PATJ: variants seen among roughly 807,000 people sequenced by gnomAD.
PATJ encodes the protein PATJ crumbs cell polarity complex component, also known as inaD-like protein.
Under a neutral mutation model 224.9 loss-of-function variants are expected in PATJ, and 190 were observed. The ratio of observed to expected loss-of-function variants is 0.84; its 90% confidence interval spans 0.75 to 0.95. The LOEUF is 0.95. PATJ is among the 40% of genes least tolerant of loss of function. The probability of loss-of-function intolerance (pLI) is 0.00; values close to 1 mark genes in which losing one functional copy is unlikely to be tolerated. For missense variants in PATJ, 2,121 were observed against 2,270.3 expected (o/e 0.93, Z 1.34); for synonymous variants, 769 against 820.3 (o/e 0.94, Z 1.07).
At chr1:61,772,521 A>G (rs1325781698) in intron 6 of PATJ, among the ~76,000 whole-genome samples, 1 of 152,164 alleles carries the variant, frequency 6.6e-6, no homozygotes, top group Non-Finnish European at 1.5e-5. Flanking sequence ...TTATTTTCTT[A>G]TAACACTAAG....
At chr1:62,143,910 G>T (rs1262066805) in intron 41 of PATJ, among the ~76,000 whole-genome samples, 2 of 152,164 alleles carry the variant, frequency 1.3e-5, no homozygotes, top group East Asian at 3.8e-4. Context: ...CAGAAGGAAA[G>T]CCAGAAGAGT....
chr1:61,868,844 C>T (rs1297679454), intron 20 of PATJ, among the ~76,000 whole-genome samples: 1 of 151,984 alleles, frequency 6.6e-6, no homozygotes, highest in Non-Finnish European at 1.5e-5. Flanking sequence ...GGAGAAAAAA[C>T]TTCTCCTCTA....
chr1:62,091,548 G>A (rs1346995553), intron 33 of PATJ, among the ~76,000 whole-genome samples: 1 of 152,098 alleles, frequency 6.6e-6, no homozygotes, highest in Admixed American at 6.6e-5. Flanking sequence ...GTGTGTCTTT[G>A]GTATATTACC....
intron 3 of PATJ, among the ~76,000 whole-genome samples, chr1:61,763,528 G>A (rs1454867481): frequency 3.6e-5 from 5 of 137,326 alleles, no homozygotes; most frequent in Non-Finnish European, 7.7e-5. Context: ...TTGAGACCCT[G>A]TCTCAAAAAA....
intron 32 of PATJ, among the ~76,000 whole-genome samples, chr1:62,081,455 G>A (rs1425538744): frequency 6.6e-6 from 1 of 152,130 alleles, no homozygotes; most frequent in Non-Finnish European, 1.5e-5. Flanking sequence ...GGCAAACGTG[G>A]AGGAGGGAAA....
At chr1:61,839,853 CACTATTTTTATCTCTCTCA>C (rs1660792365) in intron 17 of PATJ, among the ~76,000 whole-genome samples, 1 of 151,954 alleles carries the variant, frequency 6.6e-6, no homozygotes, top group African/African-American at 2.4e-5. Flanking sequence ...ATTTTTGAAA[CACTATTTTTATCTCTCTCA>C]AAGTCTGAGA....
chr1:62,038,943 C>G, intron 30 of PATJ: 1 of 1,298,886 alleles, frequency 7.7e-7, no homozygotes, highest in Non-Finnish European at 1.1e-6. Flanking sequence ...GCCATGGGAC[C>G]CTGTCAGATG....
chr1:61,787,655 T>C lies in PATJ; in HGVS notation c.850-99T>C. 3.5e-6 allele frequency: 3 copies of C among 849,876 alleles called. No individual in the cohort carries two copies. The South Asian group carries it at 4.9e-5, about 14-fold the overall frequency. The allele number at this position is 849,876 out of a possible 1,614,324, so 52.6% of individuals were successfully genotyped here. On this transcript the variant is annotated intron_variant, in intron 7 of 43. Coordinates refer to ENST00000642238, the MANE Select transcript of PATJ (RefSeq NM_001350145.3). ...TATTCAGCATTTTAGGTGGCTTCTT[T>C]GTCAGCCATTTTGCCAGAGCTGAAA...
At chr1:61,935,521 A>G (rs867686078) in intron 27 of PATJ, among the ~76,000 whole-genome samples, 1 of 152,172 alleles carries the variant, frequency 6.6e-6, no homozygotes, top group South Asian at 2.1e-4. Flanking sequence ...GGCCAGGCGT[A>G]GTGGCTCATT....
At chr1:61,857,081 C>T (rs1663807543) in intron 18 of PATJ, among the ~76,000 whole-genome samples, 1 of 152,060 alleles carries the variant, frequency 6.6e-6, no homozygotes, top group Admixed American at 6.6e-5. Context: ...TAATGTCAAA[C>T]CATCTTGAAG....
At chr1:62,085,014 C>A (rs1001608327) in intron 33 of PATJ, among the ~76,000 whole-genome samples, 2 of 152,208 alleles carry the variant, frequency 1.3e-5, no homozygotes, top group Non-Finnish European at 2.9e-5. Flanking sequence ...GTAATCCCAG[C>A]ACTTTGGGAG....
intron 42 of PATJ, among the ~76,000 whole-genome samples, chr1:62,151,597 AT>A (rs1383328134): frequency 5.9e-5 from 9 of 152,162 alleles, no homozygotes; most frequent in Non-Finnish European, 1.3e-4. Flanking sequence ...TCTCAAAAAA[AT>A]AAATAAATAA....
intron 27 of PATJ, among the ~76,000 whole-genome samples, chr1:61,935,238 G>A (rs1276240278): frequency 6.6e-6 from 1 of 152,186 alleles, no homozygotes; most frequent in Non-Finnish European, 1.5e-5. Context: ...TAGAAACTCA[G>A]TATAATTGAC....
At chr1:62,006,685 C>T (rs932322789) in intron 28 of PATJ, among the ~76,000 whole-genome samples, 4 of 152,184 alleles carry the variant, frequency 2.6e-5, no homozygotes, top group Non-Finnish European at 4.4e-5. Flanking sequence ...GAAGACTTAC[C>T]TCATATCAGA....
chr1:62,156,471 A>G (rs1004106166), intron 43 of PATJ, among the ~76,000 whole-genome samples: 2 of 152,060 alleles, frequency 1.3e-5, no homozygotes, highest in Non-Finnish European at 2.9e-5. Context: ...CGGGGGTTGC[A>G]GTGAGCTGAG....
chr1:61,985,928 AATC>A (rs1264564039), intron 27 of PATJ, among the ~76,000 whole-genome samples: 1 of 152,056 alleles, frequency 6.6e-6, no homozygotes, highest in African/African-American at 2.4e-5. Flanking sequence ...TGGAAACAAA[AATC>A]ATGAGATTTT....
intron 31 of PATJ, among the ~76,000 whole-genome samples, chr1:62,077,653 A>G (rs1658526675): frequency 6.7e-6 from 1 of 149,248 alleles, no homozygotes; most frequent in Non-Finnish European, 1.5e-5. Context: ...TCACACAACT[A>G]TTACAGCCTA....
chr1:61,753,225 A>T (rs1327496225), intron 1 of PATJ, among the ~76,000 whole-genome samples: 2 of 152,160 alleles, frequency 1.3e-5, no homozygotes, highest in Non-Finnish European at 2.9e-5. Flanking sequence ...TTATATTTAC[A>T]CTTGCTCATT....
chr1:61,972,910 CT>C (rs1683177892), intron 27 of PATJ, among the ~76,000 whole-genome samples: 1 of 151,736 alleles, frequency 6.6e-6, no homozygotes, highest in African/African-American at 2.4e-5. Context: ...AGCTTGTATA[CT>C]TTTTTTTCTG....
Sources: gnomAD v4.1 joint callset for allele counts (sites outside exome capture counted in the v4.1 genomes callset) on GRCh38, gnomAD v4.1.1 for gene constraint, MANE v1.5 for transcripts, NCBI Gene and HGNC (gene_info 2026-07-23, HGNC 2026-07-21) for gene names.